ZCCHC24: variants seen among roughly 807,000 people sequenced by gnomAD.
ZCCHC24 encodes zinc finger CCHC-type containing 24, also known as zinc finger CCHC domain-containing protein 24.
ZCCHC24 carries 10 observed loss-of-function variants against 26.2 expected under a neutral mutation model. The ratio of observed to expected loss-of-function variants is 0.38; its 90% CI spans 0.24 to 0.65. ZCCHC24 has a LOEUF of 0.65. Ranked by LOEUF, ZCCHC24 falls within the 30% of genes least tolerant of loss-of-function variation. ZCCHC24 has a pLI of 0.54. For synonymous variants in ZCCHC24, 144 were observed against 147.1 expected, an observed-to-expected ratio of 0.98 and a Z score of 0.15; for missense variants, 243 against 329.1, an observed-to-expected ratio of 0.74 and a Z score of 2.03.
chr10:79,392,632 C>T (rs1248778683), intron 3 of ZCCHC24, among the ~76,000 whole-genome samples: 2 of 152,190 alleles, frequency 1.3e-5, no homozygotes, highest in Admixed American at 6.5e-5. Flanking sequence ...CCAGTTGCGG[C>T]CACTGCTGTG....
chr10:79,428,388 CAGTATTTCAGTTTTGCA>C (rs1857063582), intron 2 of ZCCHC24, among the ~76,000 whole-genome samples: 1 of 84,454 alleles, frequency 1.2e-5, no homozygotes, highest in Non-Finnish European at 2.6e-5. Flanking sequence ...GCAATGGGTA[CAGTATTTCAGTTTTGCA>C]AGATAAATTT....
Position 79,424,240 on chromosome 10 carries a change from C to G in ZCCHC24, c.447+8318G>C, listed in dbSNP as rs948617539. On this transcript the variant is annotated intron_variant, in intron 2 of 3. Coordinates refer to ENST00000372336, the MANE Select transcript of ZCCHC24 (RefSeq NM_153367.4). ...ACTTCACCAACTGCAACACAAGCTC[C>G]TAGACAGAGGGAGCCTTTCCTGTTT... 2.6e-5 allele frequency among the ~76,000 whole-genome samples: 4 copies of G among 152,304 alleles called. No individual in the cohort carries two copies. The South Asian group carries it at 8.3e-4, about 32-fold the overall frequency.
intron 1 of ZCCHC24, among the ~76,000 whole-genome samples, chr10:79,435,617 G>T (rs374838135): frequency 6.6e-6 from 1 of 152,190 alleles, no homozygotes; most frequent in Non-Finnish European, 1.5e-5. Flanking sequence ...AATTCCAGAC[G>T]AACGCTACCT....
At chr10:79,443,101 CAG>C (rs1857311110) in intron 1 of ZCCHC24, among the ~76,000 whole-genome samples, 1 of 152,148 alleles carries the variant, frequency 6.6e-6, no homozygotes, top group Admixed American at 6.5e-5. Flanking sequence ...AGCTAAGGCC[CAG>C]AGAGAGACGG....
Position 79,386,300 on chromosome 10 carries a change from C to T in ZCCHC24, c.*45G>A, listed in dbSNP as rs1484249240. On this transcript the variant is annotated 3_prime_UTR_variant, in exon 4 of 4. Coordinates refer to ENST00000372336, the MANE Select transcript of ZCCHC24 (RefSeq NM_153367.4). ...GGAGTAGCACAGGGAAGCAGCGTCT[C>T]CTCGGGCTGGCGGGGGGTGGCTCTG... 2 of 1,578,098 alleles carry T rather than the reference C, an allele frequency of 1.3e-6. No individual in the cohort carries two copies. Among genetic ancestry groups the T allele is most frequent in the African/African-American group, 2.7e-5 (2 of 74,476 alleles).
At chr10:79,412,862 A>T (rs749899015) in intron 2 of ZCCHC24, among the ~76,000 whole-genome samples, 3 of 152,224 alleles carry the variant, frequency 2.0e-5, no homozygotes, top group Admixed American at 6.5e-5. Context: ...CAGGCAGTCG[A>T]GAAGCTTTAA....
intron 3 of ZCCHC24, among the ~76,000 whole-genome samples, chr10:79,392,606 G>A (rs1178761660): frequency 6.6e-6 from 1 of 152,116 alleles, no homozygotes; most frequent in Non-Finnish European, 1.5e-5. Context: ...ACAACACCCA[G>A]CCCAAGGGCT....
intron 3 of ZCCHC24, among the ~76,000 whole-genome samples, chr10:79,387,334 G>A (rs946805950): frequency 2.6e-5 from 4 of 152,170 alleles, no homozygotes; most frequent in African/African-American, 9.7e-5. Flanking sequence ...AGACGTCTGG[G>A]AGTGTGTGAA....
chr10:79,402,496 C>T (rs1033235843), intron 2 of ZCCHC24, among the ~76,000 whole-genome samples: 8 of 152,130 alleles, frequency 5.3e-5, no homozygotes, highest in African/African-American at 7.2e-5. Flanking sequence ...AGGATGGTTT[C>T]GATCTCCTGA....
rs1856365844 is a variant in ZCCHC24 at position 79,384,692 on chromosome 10, A to G, written c.*1653T>C. The stretch of plus-strand genomic sequence containing the variant: ...CAACTCGCTCCCTGGACCCCTGGTT[A>G]ACACTTCACTGTAACTCCTCAGTTG... On this transcript the variant is annotated 3_prime_UTR_variant, in exon 4 of 4. Transcript: ENST00000372336. 1 of 152,756 alleles carries G rather than the reference A, an allele frequency of 6.5e-6. No individual in the cohort carries two copies. Among genetic ancestry groups the G allele is most frequent in the South Asian group, 2.1e-4 (1 of 4,834 alleles). The allele number at this position is 152,756 out of a possible 1,614,324, so 9.5% of individuals were successfully genotyped here. A position where few individuals can be genotyped will look rare whatever the true frequency, so the allele number is the denominator to read the frequency against.
intron 2 of ZCCHC24, among the ~76,000 whole-genome samples, chr10:79,431,677 G>A (rs913050354): frequency 1.3e-5 from 2 of 152,138 alleles, no homozygotes; most frequent in Middle Eastern, 3.2e-3. Context: ...CCAACCACAC[G>A]TCAGTTTCCA....
intron 3 of ZCCHC24, among the ~76,000 whole-genome samples, chr10:79,390,447 G>A (rs895513341): frequency 1.7e-4 from 26 of 152,320 alleles, no homozygotes; most frequent in Admixed American, 1.7e-3. Context: ...GGGGCAGCAT[G>A]GGGGCAGGGG....
At chr10:79,419,302 C>G (rs1856908841) in intron 2 of ZCCHC24, among the ~76,000 whole-genome samples, 2 of 152,318 alleles carry the variant, frequency 1.3e-5, no homozygotes, top group South Asian at 4.1e-4. Context: ...GATGCCAAGC[C>G]CTGCATTAGA....
At chr10:79,390,776 G>T (rs916966548) in intron 3 of ZCCHC24, among the ~76,000 whole-genome samples, 17 of 152,216 alleles carry the variant, frequency 1.1e-4, no homozygotes, top group African/African-American at 4.1e-4. Context: ...GTCGGTAGGG[G>T]GAGCTGCAGC....
intron 2 of ZCCHC24, among the ~76,000 whole-genome samples, chr10:79,406,865 A>C (rs2132190534): frequency 6.6e-6 from 1 of 152,284 alleles, no homozygotes; most frequent in South Asian, 2.1e-4. Context: ...CAGGACAATA[A>C]TCCCGCTGGT....
intron 2 of ZCCHC24, among the ~76,000 whole-genome samples, chr10:79,431,971 C>T (rs1006285054): frequency 6.6e-6 from 1 of 152,124 alleles, no homozygotes; most frequent in South Asian, 2.1e-4. Flanking sequence ...CAGGTGGGGG[C>T]CTCGATCTGC....
At chr10:79,399,479 G>T (rs1856600811) in intron 2 of ZCCHC24, among the ~76,000 whole-genome samples, 1 of 152,248 alleles carries the variant, frequency 6.6e-6, no homozygotes, top group Non-Finnish European at 1.5e-5. Context: ...CCCCTCTGGG[G>T]GATCACATCT....
Position 79,385,672 on chromosome 10 carries a change from C to T in ZCCHC24, c.*673G>A, listed in dbSNP as rs1304389227. 1 of 153,644 alleles carries T rather than the reference C, an allele frequency of 6.5e-6. No individual in the cohort carries two copies. Among genetic ancestry groups the T allele is most frequent in the Non-Finnish European group, 1.4e-5 (1 of 69,032 alleles). The allele number at this position is 153,644 out of a possible 1,614,324, so 9.5% of individuals were successfully genotyped here. On this transcript the variant is annotated 3_prime_UTR_variant, in exon 4 of 4. Transcript: ENST00000372336. This position sits in a 1 kb window ranked among gnomAD's most constrained non-coding sequence, Gnocchi z 4.3. ...CTGCCCCACGTTCACCAGGACGCAT[C>T]TCTCCAGCATTCTGTGCCTCCCCCA...
chr10:79,386,175 CTGTT>C lies in ZCCHC24; in HGVS notation c.*166_*169del, dbSNP rs766761024. The C allele has an allele frequency of 1.3e-5, 8 of 636,730 alleles. No homozygotes were observed. In the Admixed American group the frequency reaches 1.9e-4, roughly 15 times the overall value. The allele number at this position is 636,730 out of a possible 1,614,324, so 39.4% of individuals were successfully genotyped here. A position where few individuals can be genotyped will look rare whatever the true frequency, so the allele number is the denominator to read the frequency against. ...GTGGGGGGCAGCAATGTCAGTAACA[CTGTT>C]TGTCAACACACACAAGACAAGGACG... On this transcript the variant is annotated 3_prime_UTR_variant, in exon 4 of 4. Coordinates refer to ENST00000372336, the MANE Select transcript of ZCCHC24 (RefSeq NM_153367.4).
Sources: gnomAD v4.1 joint callset for allele counts (sites outside exome capture counted in the v4.1 genomes callset) on GRCh38, gnomAD v4.1.1 for gene constraint, Gnocchi (gnomAD v3.1) non-coding constraint, MANE v1.5 for transcripts, NCBI Gene and HGNC (gene_info 2026-07-23, HGNC 2026-07-21) for gene names.